MTUS2: variants seen among roughly 807,000 people sequenced by gnomAD.
MTUS2 encodes the protein microtubule-associated tumor suppressor candidate 2.
Under a neutral mutation model 114.1 loss-of-function variants are expected in MTUS2, and 40 were observed. That is an observed-to-expected ratio of 0.35 (90% CI 0.27 to 0.46). The LOEUF is 0.46. MTUS2 is among the 20% of genes least tolerant of loss of function. MTUS2 has a pLI of 1.00. For missense variants in MTUS2, 1,679 were observed against 1,705.4 expected (o/e 0.98, Z 0.27); for synonymous variants, 688 against 672.0 (o/e 1.02, Z -0.37).
intron 5 of MTUS2, among the ~76,000 whole-genome samples, chr13:29,216,001 C>T (rs977025210): frequency 6.6e-6 from 1 of 152,206 alleles, no homozygotes; most frequent in African/African-American, 2.4e-5. Context: ...CCCAGGTGCT[C>T]TGTCCCAGGG....
At chr13:29,048,400 T>A (rs752110493) in intron 4 of MTUS2, among the ~76,000 whole-genome samples, 2 of 152,238 alleles carry the variant, frequency 1.3e-5, no homozygotes, top group Non-Finnish European at 2.9e-5. Flanking sequence ...CCTGCTTGTT[T>A]GCATCCCAGA....
rs113914324 is a variant in MTUS2 at position 28,893,010 on chromosome 13, A to C, written c.-243+53160A>C. ...GCATTCATTGGGGAGAAAACAGCAG[A>C]AGCAAATGTCTGCAGACAGGATGGC... On this transcript the variant is annotated intron_variant, in intron 2 of 15. Transcript: ENST00000612955. Among the ~76,000 whole-genome samples, 403 of 152,300 alleles carry C rather than the reference A, an allele frequency of 2.6e-3. 4 individuals carry two copies. The highest frequency in any genetic ancestry group is 3.4e-3 in the Non-Finnish European group (228 of 68,018).
intron 2 of MTUS2, among the ~76,000 whole-genome samples, chr13:28,897,213 AC>A (rs1377639663): frequency 4.6e-5 from 7 of 152,254 alleles, no homozygotes; most frequent in African/African-American, 1.4e-4. Flanking sequence ...CAAGAAAAAA[AC>A]AATCCCATCA....
chr13:29,309,560 TC>T (rs61493767), intron 6 of MTUS2, among the ~76,000 whole-genome samples: 14,916 of 152,088 alleles, frequency 0.098, 1,105 homozygotes, highest in African/African-American at 0.2. Flanking sequence ...AACCTGCACA[TC>T]CTGCACATGT....
At chr13:29,086,682 G>A (rs997374217) in intron 4 of MTUS2, among the ~76,000 whole-genome samples, 1 of 152,128 alleles carries the variant, frequency 6.6e-6, no homozygotes, top group Non-Finnish European at 1.5e-5. Context: ...AGTTTGATAG[G>A]AATAACATTG....
At position 29,144,600 on chromosome 13, in the gene MTUS2, C is replaced by T. The variant is rs78192725; in HGVS notation, c.2644+43630C>T. Among the ~76,000 whole-genome samples the T allele has an allele frequency of 5.6e-3, 852 of 152,110 alleles. 13 individuals are homozygous for T. The highest frequency in any genetic ancestry group is 0.02 in the African/African-American group (813 of 41,466). On this transcript the variant is annotated intron_variant, in intron 5 of 15. Transcript: ENST00000612955. ...TTCCTTGTGCTATATAACTGAGAAT[C>T]CCAGTTTTTTGCTTGCTGTCATCTG...
chr13:29,225,907 C>T (rs868661755), intron 5 of MTUS2, among the ~76,000 whole-genome samples: 5 of 151,980 alleles, frequency 3.3e-5, no homozygotes, highest in South Asian at 4.1e-4. Context: ...TAAGAAATTG[C>T]GCCTTCTCTT....
chr13:29,024,878 T>G lies in MTUS2; in HGVS notation c.180T>G (p.Ile60Met), dbSNP rs371992586. ...ESKTCDLGDE[I>M]GNTNSSEPEN... ...AGACATGTGACCTGGGAGATGAAAT[T>G]GGAAATACAAATTCAAGTGAGCCAG... Residue 60 changes from isoleucine to methionine, a missense_variant, in exon 3 of 16, where the codon ATT becomes ATG. By Grantham distance (10) the Ile-to-Met change is conservative. Transcript: ENST00000612955. 43 of 1,613,768 alleles carry G rather than the reference T, an allele frequency of 2.7e-5. No homozygotes were observed. The highest frequency in any genetic ancestry group is 2.5e-5 in the Non-Finnish European group (30 of 1,179,868).
At chr13:29,203,990 C>T (rs1031369699) in intron 5 of MTUS2, among the ~76,000 whole-genome samples, 3 of 151,150 alleles carry the variant, frequency 2.0e-5, no homozygotes, top group South Asian at 2.1e-4. Flanking sequence ...CACGGGGTCT[C>T]GCTCGGTCAC....
intron 8 of MTUS2, among the ~76,000 whole-genome samples, chr13:29,375,898 C>G (rs1032903988): frequency 2.0e-5 from 3 of 151,504 alleles, no homozygotes; most frequent in African/African-American, 7.3e-5. Flanking sequence ...ACAATGTACA[C>G]TACTCAGGTG....
chr13:28,864,305 AAAAT>A, intron 2 of MTUS2, among the ~76,000 whole-genome samples: 1 of 152,188 alleles, frequency 6.6e-6, no homozygotes, highest in Non-Finnish European at 1.5e-5. Flanking sequence ...GGGTCCATGA[AAAAT>A]AAAAGGAAAG....
intron 2 of MTUS2, among the ~76,000 whole-genome samples, chr13:28,908,627 T>C (rs9550416): frequency 0.13 from 19,481 of 151,078 alleles, 1,851 homozygotes; most frequent in African/African-American, 0.21. Flanking sequence ...TTTATAGCAG[T>C]GTGATTTATA....
intron 5 of MTUS2, among the ~76,000 whole-genome samples, chr13:29,168,270 T>A (rs1055419595): frequency 2.0e-5 from 3 of 152,200 alleles, no homozygotes; most frequent in Admixed American, 2.0e-4. Flanking sequence ...TGGACGTTGA[T>A]GATGTTTCAG....
intron 2 of MTUS2, among the ~76,000 whole-genome samples, chr13:29,004,361 T>C (rs1885513671): frequency 6.6e-6 from 1 of 151,512 alleles, no homozygotes. Context: ...AGTCTTGTCC[T>C]ACAGCATTCT....
intron 9 of MTUS2, among the ~76,000 whole-genome samples, chr13:29,471,211 C>T (rs943345693): frequency 5.3e-5 from 8 of 151,904 alleles, no homozygotes; most frequent in Non-Finnish European, 7.4e-5. Context: ...GGCTTGGTGG[C>T]GCGTGCCTGT....
chr13:29,009,181 T>A lies in MTUS2; in HGVS notation c.-242-15276T>A, dbSNP rs181711592. 9.4e-4 allele frequency among the ~76,000 whole-genome samples: 143 copies of A among 152,108 alleles called. 1 individual carries two copies. The Middle Eastern group carries it at 0.01, about 11-fold the overall frequency. ...TATACTTGTTTTATGGACACTCTTA[T>A]CTCTCTGAAAAAATTACTTGGAATT... On this transcript the variant is annotated intron_variant, in intron 2 of 15. Coordinates refer to ENST00000612955, the MANE Select transcript of MTUS2 (RefSeq NM_001033602.4).
At chr13:29,224,560 G>A in intron 5 of MTUS2, among the ~76,000 whole-genome samples, 1 of 151,450 alleles carries the variant, frequency 6.6e-6, no homozygotes, top group East Asian at 1.9e-4. Flanking sequence ...TAGCTGTTTT[G>A]TTCCATAATT....
At chr13:28,830,241 A>G (rs962418634) in intron 1 of MTUS2, among the ~76,000 whole-genome samples, 5 of 152,198 alleles carry the variant, frequency 3.3e-5, no homozygotes, top group African/African-American at 1.2e-4. Flanking sequence ...AGTTTTCAAC[A>G]TAAAATTTCC....
intron 5 of MTUS2, among the ~76,000 whole-genome samples, chr13:29,166,698 C>T (rs1893329915): frequency 6.6e-6 from 1 of 152,172 alleles, no homozygotes; most frequent in African/African-American, 2.4e-5. Context: ...CAACACAATA[C>T]ATCTTTTTAG....
Sources: gnomAD v4.1 joint callset for allele counts (sites outside exome capture counted in the v4.1 genomes callset) on GRCh38, gnomAD v4.1.1 for gene constraint, MANE v1.5 for transcripts, NCBI Gene and HGNC (gene_info 2026-07-23, HGNC 2026-07-21) for gene names.